MDN1: variants seen among roughly 807,000 people sequenced by gnomAD.
MDN1 encodes midasin.
MDN1 carries 266 observed loss-of-function variants against 669.2 expected under a neutral mutation model. The observed-to-expected ratio is 0.40, with a 90% CI of 0.36 to 0.44. The LOEUF is 0.44. Among genes scored for constraint, MDN1 ranks in the 20% least tolerant of loss-of-function variants. MDN1 has a pLI of 1.00. For missense variants in MDN1, 5,940 were observed against 6,754.0 expected, an observed-to-expected ratio of 0.88 and a Z score of 4.22; for synonymous variants, 2,385 against 2,457.1, an observed-to-expected ratio of 0.97 and a Z score of 0.87.
At position 89,713,172 on chromosome 6, in the gene MDN1, G is replaced by T. The variant is rs1026109935; in HGVS notation, c.7194C>A (p.Ser2398=). The T allele has an allele frequency of 1.2e-6, 2 of 1,613,724 alleles. No individual in the cohort carries two copies. Among genetic ancestry groups the T allele is most frequent in the Non-Finnish European group, 8.5e-7 (1 of 1,179,896 alleles). The change falls in exon 47 of 102, where the codon TCC becomes TCA. Residue 2398 remains serine, a synonymous_variant. Coordinates refer to ENST00000369393, the MANE Select transcript of MDN1 (RefSeq NM_014611.3). ...CCTTCCGGTTTGCTGGTGAATGCTG[G>T]GAACAGACATATACTTCCCAGCATG... The part of the protein sequence containing the change: ...SEACWEVYVC[S]QHSPANRKLV...
rs555944851 is a variant in MDN1, at chr6:89,677,752, C to T, written c.12413-56G>A. 9.2e-4 allele frequency: 1,483 copies of T among 1,606,088 alleles called. 1 individual carries two copies. The highest frequency in any genetic ancestry group is 1.2e-3 in the Non-Finnish European group (1,419 of 1,175,018). On this transcript the variant is annotated intron_variant, in intron 75 of 101. Coordinates refer to ENST00000369393, the MANE Select transcript of MDN1 (RefSeq NM_014611.3). ...AGATGCTTAGTAGAGAATGGATGTG[C>T]CCCCCTCTCCCCTGCTACTCAAAGC...
rs1047474148 is a variant in MDN1, at chr6:89,743,668, G to C, written c.4225C>G (p.Gln1409Glu). 1 of 1,613,934 alleles carries C rather than the reference G, an allele frequency of 6.2e-7. No individual in the cohort carries two copies. The highest frequency in any genetic ancestry group is 1.3e-5 in the African/African-American group (1 of 74,918). Reference sequence around the variant, plus strand: ...TGGCAGCTGACAGAGTATAATTTCTGATTTGCCAAGGCTGCAAATACCTGA... The same window carrying C: ...TGGCAGCTGACAGAGTATAATTTCTCATTTGCCAAGGCTGCAAATACCTGA... ...ICQVFAALAN[Q>E]KLYSVSCHLH... Residue 1409 changes from glutamine to glutamate, a missense_variant, in exon 30 of 102, where the codon CAG becomes GAG. Gln to Glu is a conservative substitution (Grantham distance 29). Around this residue, in one of 5 missense-constraint regions of MDN1, gnomAD observed 2,292 missense variants for 2,638.3 expected, o/e 0.87. Coordinates refer to ENST00000369393, the MANE Select transcript of MDN1 (RefSeq NM_014611.3).
chr6:89,688,521 C>T, intron 66 of MDN1, 52 bp downstream of exon 66: 1 of 1,521,158 alleles, frequency 6.6e-7, no homozygotes, highest in Non-Finnish European at 9.0e-7. Flanking sequence ...GAGGCTGCAT[C>T]CTCATTGCAG....
chr6:89,659,963 C>T (rs1283185835), intron 88 of MDN1, among the ~76,000 whole-genome samples: 1 of 152,182 alleles, frequency 6.6e-6, no homozygotes, highest in Non-Finnish European at 1.5e-5. Flanking sequence ...TCTTGGCTCA[C>T]TGCAACCTCT....
At chr6:89,669,155 AACAG>A (rs1328671300) in intron 83 of MDN1, among the ~76,000 whole-genome samples, 1 of 152,186 alleles carries the variant, frequency 6.6e-6, no homozygotes, top group Non-Finnish European at 1.5e-5. Context: ...TCCTACCCGC[AACAG>A]ACAAAGGTTT....
Position 89,675,522 on chromosome 6 carries a change from T to C in MDN1, c.12703A>G (p.Met4235Val). The C allele has an allele frequency of 6.2e-7, 1 of 1,613,958 alleles. No individual in the cohort carries two copies. The highest frequency in any genetic ancestry group is 2.2e-5 in the East Asian group (1 of 44,868). The change falls in exon 78 of 102, where the codon ATG (methionine) becomes GTG (valine). Residue 4235 changes from methionine to valine, a missense_variant. This residue lies in a region of MDN1 where 2,280 missense variants were observed against 2,576.3 expected (regional missense o/e 0.88). Transcript: ENST00000369393. ...CRGFSAHLMK[M>V]LVRQRRSLTT... ...AGGGAGCGCCGCTGTCGGACGAGCA[T>C]CTTCATCAAATGTGCTGAGAACCCT...
At chr6:89,798,742 A>C (rs1271930409) in intron 2 of MDN1, among the ~76,000 whole-genome samples, 1 of 152,230 alleles carries the variant, frequency 6.6e-6, no homozygotes, top group Admixed American at 6.5e-5. Flanking sequence ...ATAAAGCCAT[A>C]TTTAAAATGC....
intron 29 of MDN1, 112 bp downstream of exon 29, chr6:89,745,161 A>AAAAG: frequency 1.2e-6 from 1 of 819,622 alleles, no homozygotes; most frequent in Admixed American, 3.0e-5. Flanking sequence ...AAGAAAAAAG[A>AAAAG]GGAAGGAGGA....
intron 38 of MDN1, among the ~76,000 whole-genome samples, chr6:89,724,076 G>A (rs1189951888): frequency 6.6e-6 from 1 of 151,908 alleles, no homozygotes; most frequent in Non-Finnish European, 1.5e-5. Flanking sequence ...CCAGGAGGAG[G>A]AGATTGCAGT....
intron 77 of MDN1, 79 bp from the exon 78 acceptor site, chr6:89,675,658 T>C: frequency 8.2e-7 from 1 of 1,224,384 alleles, no homozygotes; most frequent in Non-Finnish European, 1.2e-6. Context: ...AAGCTGTTTC[T>C]ACTATAAGCG....
Position 89,794,080 on chromosome 6 carries a change from C to T in MDN1, c.662+20G>A, listed in dbSNP as rs761165619. On this transcript the variant is annotated intron_variant, in intron 4 of 101. Transcript: ENST00000369393. ...AAAAAGAAATGCTATAGCAAGACCT[C>T]CACGAAGGTTCCTGCTTACCTCAAC... 2.6e-5 allele frequency: 39 copies of T among 1,501,314 alleles called. No homozygotes were observed. Among genetic ancestry groups the T allele is most frequent in the Non-Finnish European group, 3.4e-5 (37 of 1,101,122 alleles). 93.0% of individuals were successfully genotyped at this position (1,501,314 alleles called of 1,614,324 possible). A position where few individuals can be genotyped will look rare whatever the true frequency, so the allele number is the denominator to read the frequency against.
At chr6:89,746,901 A>T (rs960955250) in intron 27 of MDN1, among the ~76,000 whole-genome samples, 4 of 152,230 alleles carry the variant, frequency 2.6e-5, no homozygotes, top group African/African-American at 9.6e-5. Flanking sequence ...AAAGGAAAAC[A>T]ACAAAACCTG....
At chr6:89,818,770 C>T (rs1769033909) in intron 1 of MDN1, among the ~76,000 whole-genome samples, 1 of 151,148 alleles carries the variant, frequency 6.6e-6, no homozygotes, top group Non-Finnish European at 1.5e-5. Flanking sequence ...GATCGCGCCA[C>T]TGCACTCCAG....
intron 26 of MDN1, among the ~76,000 whole-genome samples, chr6:89,748,872 C>A (rs1365021025): frequency 6.7e-6 from 1 of 148,504 alleles, no homozygotes; most frequent in Non-Finnish European, 1.5e-5. Context: ...CCAGCCGGGG[C>A]AACATGGCGA....
chr6:89,687,392 A>C lies in MDN1; in HGVS notation c.11402T>G (p.Leu3801Arg), dbSNP rs1022454020. 1 of 1,614,054 alleles carries C rather than the reference A, an allele frequency of 6.2e-7. No individual in the cohort carries two copies. Among genetic ancestry groups the C allele is most frequent in the African/African-American group, 1.3e-5 (1 of 74,940 alleles). Residue 3801 changes from leucine (L) to arginine (R), a missense_variant, in exon 68 of 102, where the codon CTT (leucine) becomes CGT (arginine). Coordinates refer to ENST00000369393, the MANE Select transcript of MDN1 (RefSeq NM_014611.3). Reference protein sequence around the residue: ...ASRALSLRKHLDLISQMIIRW... With the variant: ...ASRALSLRKHRDLISQMIIRW... The stretch of plus-strand genomic sequence containing the variant: ...AATGATCATCTGACTGATCAAATCA[A>C]GATGTTTCCGCAAAGACAAAGCTCG...
In MDN1 at chr6:89,732,780, A is replaced by T; in HGVS notation, c.4724-5T>A. 6.2e-7 allele frequency: 1 copy of T among 1,612,140 alleles called. No individual in the cohort carries two copies. Among genetic ancestry groups the T allele is most frequent in the Non-Finnish European group, 8.5e-7 (1 of 1,179,204 alleles). ...TCACTTCAGGTATGTCAGACCCTAAACACAAGAAACAAAAAAAGCATTTGC... is the reference window on the plus strand; with the variant it reads ...TCACTTCAGGTATGTCAGACCCTAATCACAAGAAACAAAAAAAGCATTTGC... On this transcript the variant is annotated splice_polypyrimidine_tract_variant and splice_region_variant and intron_variant, in intron 33 of 101. Transcript: ENST00000369393.
At chr6:89,815,957 T>C (rs1469623044) in intron 1 of MDN1, among the ~76,000 whole-genome samples, 4 of 152,224 alleles carry the variant, frequency 2.6e-5, no homozygotes. Context: ...CAGAGCACTG[T>C]GGGTGTGCCA....
intron 15 of MDN1, among the ~76,000 whole-genome samples, chr6:89,770,474 T>C (rs564377457): frequency 6.6e-6 from 1 of 151,044 alleles, no homozygotes; most frequent in Admixed American, 6.6e-5. Flanking sequence ...AAAAATCATA[T>C]ATATTAATAA....
At chr6:89,792,652 C>A (rs1196240025) in intron 5 of MDN1, among the ~76,000 whole-genome samples, 1 of 151,160 alleles carries the variant, frequency 6.6e-6, no homozygotes, top group Non-Finnish European at 1.5e-5. Context: ...TGTGCATTTT[C>A]CTATATGTAT....
Sources: allele counts gnomAD v4.1 joint callset (sites outside exome capture counted in the v4.1 genomes callset), GRCh38; gene constraint gnomAD v4.1.1; regional missense constraint gnomAD v4.1.1; transcripts MANE v1.5; gene names NCBI Gene and HGNC (gene_info 2026-07-23, HGNC 2026-07-21).